The following RNF144B variants were observed in gnomAD, a reference collection of about 807,000 sequenced individuals.
RNF144B encodes the protein E3 ubiquitin-protein ligase RNF144B.
In RNF144B, 25 loss-of-function variants were observed where a neutral mutation model predicts 40.2. The observed-to-expected ratio is 0.62, with a 90% CI of 0.45 to 0.87. The LOEUF (loss-of-function observed/expected upper bound fraction) is 0.87. Ranked by LOEUF, RNF144B falls within the 40% of genes least tolerant of loss-of-function variation. The probability of loss-of-function intolerance (pLI) is 0.00; values close to 1 mark genes in which losing one functional copy is unlikely to be tolerated. For missense variants in RNF144B, 365 were observed against 373.7 expected (o/e 0.98, Z 0.19); for synonymous variants, 145 against 136.3 (o/e 1.06, Z -0.44).
chr6:18,455,809 A>T (rs1160372987), intron 4 of RNF144B, among the ~76,000 whole-genome samples: 1 of 152,222 alleles, frequency 6.6e-6, no homozygotes, highest in Non-Finnish European at 1.5e-5. Flanking sequence ...TGTATGTCAT[A>T]TGGAACTAGC....
In RNF144B at chr6:18,465,354, G is replaced by T; in HGVS notation, c.*287G>T. 2.8e-6 allele frequency: 1 copy of T among 357,956 alleles called. No homozygotes were observed. The highest frequency in any genetic ancestry group is 6.6e-5 in the South Asian group (1 of 15,184). 22.2% of individuals were successfully genotyped at this position (357,956 alleles called of 1,614,324 possible). ...TTTTATCATCCAAAGGATCTCACTG[G>T]ACTGTTCAACTTCCAGCCAAATTCA... is the stretch of plus-strand genomic sequence containing the variant. On this transcript the variant is annotated 3_prime_UTR_variant, in exon 8 of 8. Coordinates refer to ENST00000259939, the MANE Select transcript of RNF144B (RefSeq NM_182757.4).
intron 2 of RNF144B, among the ~76,000 whole-genome samples, chr6:18,409,329 G>T (rs1373505601): frequency 8.0e-6 from 1 of 124,738 alleles, no homozygotes; most frequent in Non-Finnish European, 1.6e-5. Flanking sequence ...AGTGAGCTGA[G>T]ATCTTGCCAC....
Position 18,410,894 on chromosome 6 carries a change from C to A in RNF144B, c.165+11195C>A, listed in dbSNP as rs1795017852. On this transcript the variant is annotated intron_variant, in intron 2 of 7. Transcript: ENST00000259939. This position sits in a 1 kb window ranked among gnomAD's most constrained non-coding sequence, Gnocchi z 4.6. ...TGTATGGCAGACTGCAGTTTTGATG[C>A]CTGGAGTATTTAAATTATTTTTGTG... Among the ~76,000 whole-genome samples the A allele has an allele frequency of 6.6e-6, 1 of 152,060 alleles. No individual in the cohort carries two copies. Among genetic ancestry groups the A allele is most frequent in the African/African-American group, 2.4e-5 (1 of 41,404 alleles).
rs60234308 is a variant in RNF144B at position 18,448,672 on chromosome 6, T to C, written c.332-8483T>C. Among the ~76,000 whole-genome samples the C allele has an allele frequency of 0.13, 18,942 of 146,088 alleles. 1,366 individuals carry two copies. The highest frequency in any genetic ancestry group is 0.2 in the Admixed American group (2,937 of 14,478). On this transcript the variant is annotated intron_variant, in intron 4 of 7. Transcript: ENST00000259939. The surrounding 1 kb of genome is among the most constrained non-coding windows in gnomAD (Gnocchi z 4.0). ...GACCCAGAATAATAAATCCATTTTA[T>C]TTTGAAAGCCAGCATGCACACACAC...
intron 2 of RNF144B, among the ~76,000 whole-genome samples, chr6:18,401,451 A>G (rs567543711): frequency 3.0e-4 from 45 of 152,278 alleles, no homozygotes; most frequent in Middle Eastern, 3.4e-3. Context: ...GTATCCCTCA[A>G]TTTTGGATCC....
rs779806171 is a variant in RNF144B at position 18,468,194 on chromosome 6, C to T, written c.*3127C>T. 3.3e-5 allele frequency: 5 copies of T among 152,144 alleles called. No homozygotes were observed. Among genetic ancestry groups the T allele is most frequent in the Non-Finnish European group, 7.3e-5 (5 of 68,046 alleles). 9.4% of individuals were successfully genotyped at this position (152,144 alleles called of 1,614,324 possible). ...AAAAAAATCCGTCACCAAATTGTAA[C>T]CTGGATGTTATAGCCCAGCATCTAG... is the stretch of plus-strand genomic sequence containing the variant. On this transcript the variant is annotated 3_prime_UTR_variant, in exon 8 of 8. Coordinates refer to ENST00000259939, the MANE Select transcript of RNF144B (RefSeq NM_182757.4).
intron 3 of RNF144B, among the ~76,000 whole-genome samples, chr6:18,433,107 T>C (rs1758729119): frequency 6.6e-6 from 1 of 152,210 alleles, no homozygotes; most frequent in Non-Finnish European, 1.5e-5. Context: ...CCAGGTGTTC[T>C]TCCCAAATCC....
intron 6 of RNF144B, among the ~76,000 whole-genome samples, chr6:18,461,586 C>T (rs1448743052): frequency 6.6e-6 from 1 of 152,172 alleles, no homozygotes; most frequent in Non-Finnish European, 1.5e-5. Flanking sequence ...ACATGCTGTT[C>T]TGTCTCTTGT....
rs189090768 is a variant in RNF144B, at chr6:18,426,331, T to C, written c.166-1250T>C. ...GTACTCCTCAACATTTGAACTTGAC[T>C]TTTTTTTGGTCATGCATGTAGAAAA... On this transcript the variant is annotated intron_variant, in intron 2 of 7. Coordinates refer to ENST00000259939, the MANE Select transcript of RNF144B (RefSeq NM_182757.4). Among the ~76,000 whole-genome samples, 1,100 of 152,176 alleles carry C rather than the reference T, an allele frequency of 7.2e-3. 13 individuals are homozygous for C. Among genetic ancestry groups the C allele is most frequent in the Non-Finnish European group, 7.3e-3 (494 of 67,996 alleles).
intron 1 of RNF144B, among the ~76,000 whole-genome samples, chr6:18,389,537 C>T (rs978218284): frequency 6.6e-6 from 1 of 152,154 alleles, no homozygotes. Flanking sequence ...AATCCTTTCT[C>T]CGAAGTGTTT....
At position 18,439,747 on chromosome 6, in the gene RNF144B, A is replaced by G; in HGVS notation, c.331+3A>G. ...TCAGAGGTTAAAATTTGAAAGAGGT[A>G]TGAACTCTTCTTTTTTTCCTGATGA... On this transcript the variant is annotated splice_donor_region_variant and intron_variant, in intron 4 of 7. Transcript: ENST00000259939. The G allele has an allele frequency of 1.3e-6, 2 of 1,592,382 alleles. No individual in the cohort carries two copies. Among genetic ancestry groups the G allele is most frequent in the Non-Finnish European group, 1.7e-6 (2 of 1,160,458 alleles).
Position 18,395,083 on chromosome 6 carries a change from T to A in RNF144B, c.-36-4416T>A, listed in dbSNP as rs1794667266. On this transcript the variant is annotated intron_variant, in intron 1 of 7. Coordinates refer to ENST00000259939, the MANE Select transcript of RNF144B (RefSeq NM_182757.4). The surrounding 1 kb of genome is among the most constrained non-coding windows in gnomAD (Gnocchi z 4.5). The stretch of plus-strand genomic sequence containing the variant: ...CAAAATTCTTTTCACAAGGGGTTCT[T>A]GACACTCGGTGAGAGGCACAGTCAC... 1.3e-5 allele frequency among the ~76,000 whole-genome samples: 2 copies of A among 152,242 alleles called. No individual in the cohort carries two copies. The highest frequency in any genetic ancestry group is 2.9e-5 in the Non-Finnish European group (2 of 68,050).
At chr6:18,404,228 G>C (rs1349605031) in intron 2 of RNF144B, among the ~76,000 whole-genome samples, 1 of 152,180 alleles carries the variant, frequency 6.6e-6, no homozygotes, top group Non-Finnish European at 1.5e-5. Context: ...ACCTGCATTA[G>C]GAGAAAGTAA....
In RNF144B at chr6:18,459,833, A is replaced by C. The variant is rs1759413930; in HGVS notation, c.681+82A>C. 3.0e-6 allele frequency: 4 copies of C among 1,339,050 alleles called. No homozygotes were observed. The highest frequency in any genetic ancestry group is 2.0e-6 in the Non-Finnish European group (2 of 988,222). The allele number at this position is 1,339,050 out of a possible 1,614,324, so 82.9% of individuals were successfully genotyped here. A position where few individuals can be genotyped will look rare whatever the true frequency, so the allele number is the denominator to read the frequency against. On this transcript the variant is annotated intron_variant, in intron 6 of 7. Coordinates refer to ENST00000259939, the MANE Select transcript of RNF144B (RefSeq NM_182757.4). The surrounding 1 kb of genome is among the most constrained non-coding windows in gnomAD (Gnocchi z 4.2). ...CTGATATCCTACAGATTTTCCTTTA[A>C]AATATTGGGGCAATTTTTGTCCTGC...
rs73379254 is a variant in RNF144B, at chr6:18,461,590, C to T, written c.682-1701C>T. 4.4e-3 allele frequency among the ~76,000 whole-genome samples: 677 copies of T among 152,296 alleles called. 8 individuals are homozygous for T. The highest frequency in any genetic ancestry group is 0.015 in the African/African-American group (639 of 41,574). ...TGTTGCAAAGGACATGCTGTTCTGT[C>T]TCTTGTGCTGCTCTGGTTCTGGAGA... On this transcript the variant is annotated intron_variant, in intron 6 of 7. Coordinates refer to ENST00000259939, the MANE Select transcript of RNF144B (RefSeq NM_182757.4).
rs1333127015 is a variant in RNF144B at position 18,425,920 on chromosome 6, A to G, written c.166-1661A>G. ...TCCTTGGAGAAAAAAACTGTTAACT[A>G]TTTGAAGAGATACAAGTCTGGTTTA... On this transcript the variant is annotated intron_variant, in intron 2 of 7. Coordinates refer to ENST00000259939, the MANE Select transcript of RNF144B (RefSeq NM_182757.4). This position sits in a 1 kb window ranked among gnomAD's most constrained non-coding sequence, Gnocchi z 4.2. Among the ~76,000 whole-genome samples, 1 of 152,214 alleles carries G rather than the reference A, an allele frequency of 6.6e-6. No individual in the cohort carries two copies. Among genetic ancestry groups the G allele is most frequent in the Non-Finnish European group, 1.5e-5 (1 of 68,026 alleles).
At position 18,389,716 on chromosome 6, in the gene RNF144B, C is replaced by A. The variant is rs189106924; in HGVS notation, c.-37+2086C>A. 6.6e-5 allele frequency among the ~76,000 whole-genome samples: 10 copies of A among 152,276 alleles called. No homozygotes were observed. The East Asian group carries it at 1.9e-3, about 29-fold the overall frequency. On this transcript the variant is annotated intron_variant, in intron 1 of 7. Transcript: ENST00000259939. ...AAGTCTGAGCAGTTTTGGGACTAAG[C>A]CTACTTTGTACAACTGATTATTTTG...
intron 1 of RNF144B, among the ~76,000 whole-genome samples, chr6:18,397,135 C>T (rs996018062): frequency 9.2e-5 from 14 of 152,258 alleles, no homozygotes; most frequent in East Asian, 3.9e-4. Flanking sequence ...AGTTAGTAAT[C>T]GTTGACTTTC....
chr6:18,432,380 A>G (rs1758713649), intron 3 of RNF144B, among the ~76,000 whole-genome samples: 1 of 152,316 alleles, frequency 6.6e-6, no homozygotes, highest in Admixed American at 6.5e-5. Context: ...ACTTGTGGCT[A>G]GAGGTGAACA....
Sources: allele counts gnomAD v4.1 joint callset (sites outside exome capture counted in the v4.1 genomes callset), GRCh38; gene constraint gnomAD v4.1.1; non-coding constraint Gnocchi (gnomAD v3.1); transcripts MANE v1.5; gene names NCBI Gene and HGNC (gene_info 2026-07-23, HGNC 2026-07-21).